The following AFF3 variants were observed in gnomAD, a reference collection of about 807,000 sequenced individuals.
AFF3 encodes the protein ALF transcription elongation factor 3.
AFF3 carries 32 observed loss-of-function variants against 129.7 expected under a neutral mutation model. That is an observed-to-expected ratio of 0.25 (90% CI 0.19 to 0.33). The LOEUF is 0.33. Ranked by LOEUF, AFF3 falls within the 10% of genes least tolerant of loss-of-function variation. The pLI, the probability that AFF3 is intolerant of heterozygous loss-of-function variation, is 1.00. For missense variants in AFF3, 1,373 were observed against 1,592.0 expected, an observed-to-expected ratio of 0.86 and a Z score of 2.34; for synonymous variants, 644 against 635.4, an observed-to-expected ratio of 1.01 and a Z score of -0.20.
At chr2:99,879,816 T>A (rs1692572936) in intron 7 of AFF3, among the ~76,000 whole-genome samples, 1 of 152,246 alleles carries the variant, frequency 6.6e-6, no homozygotes. Flanking sequence ...CCTTTTTGAT[T>A]ACTATTAATG....
chr2:100,058,164 C>G (rs1686957779), intron 4 of AFF3, among the ~76,000 whole-genome samples: 2 of 152,102 alleles, frequency 1.3e-5, no homozygotes, highest in Admixed American at 6.5e-5. Context: ...AATGGCATAC[C>G]AGGCATTTTA....
At chr2:100,115,261 A>G (rs1333970073) in intron 2 of AFF3, among the ~76,000 whole-genome samples, 15 of 152,160 alleles carry the variant, frequency 9.9e-5, no homozygotes, top group Admixed American at 9.2e-4. Flanking sequence ...AAATATGTGT[A>G]TACCAGCCAG....
At chr2:99,792,738 T>A (rs909095557) in intron 8 of AFF3, among the ~76,000 whole-genome samples, 1 of 152,232 alleles carries the variant, frequency 6.6e-6, no homozygotes, top group Non-Finnish European at 1.5e-5. Context: ...TATAATTTTA[T>A]CCTTTATTCT....
intron 7 of AFF3, among the ~76,000 whole-genome samples, chr2:99,880,845 G>A (rs1470254884): frequency 1.3e-5 from 2 of 152,140 alleles, no homozygotes; most frequent in Non-Finnish European, 2.9e-5. Flanking sequence ...AGCAGTTGGA[G>A]GAGGCAAAGG....
At chr2:99,674,061 G>T (rs1041612356) in intron 11 of AFF3, among the ~76,000 whole-genome samples, 1 of 152,238 alleles carries the variant, frequency 6.6e-6, no homozygotes, top group Non-Finnish European at 1.5e-5. Context: ...CTTCTAAGTA[G>T]TTTTTAGGGT....
intron 7 of AFF3, among the ~76,000 whole-genome samples, chr2:99,867,003 A>AATAATAATAAAT (rs1558928973): frequency 3.0e-5 from 3 of 99,150 alleles, no homozygotes; most frequent in African/African-American, 1.1e-4. Flanking sequence ...ATAATAATAA[A>AATAATAATAAAT]AAATAAATAA....
intron 8 of AFF3, among the ~76,000 whole-genome samples, chr2:99,789,741 G>C (rs1400111104): frequency 1.3e-5 from 2 of 152,210 alleles, no homozygotes; most frequent in Non-Finnish European, 2.9e-5. Flanking sequence ...CGAGGATTCG[G>C]AGGCTGCTTC....
Position 100,041,226 on chromosome 2 carries a change from C to T in AFF3, c.54-32294G>A, listed in dbSNP as rs536891960. On this transcript the variant is annotated intron_variant, in intron 4 of 24. Transcript: ENST00000672756. ...CATGGCTTCAACCATAGCTGGACTT[C>T]AGGGAGCACAGTGTTTTCAACATAT... is the stretch of plus-strand genomic sequence containing the variant. Among the ~76,000 whole-genome samples the T allele has an allele frequency of 2.1e-3, 327 of 152,348 alleles. 4 individuals are homozygous for T. Among genetic ancestry groups the T allele is most frequent in the African/African-American group, 7.5e-3 (310 of 41,582 alleles).
rs561366715 is a variant in AFF3, at chr2:99,856,128, C to G, written c.874-18604G>C. Among the ~76,000 whole-genome samples the G allele has an allele frequency of 7.9e-5, 12 of 152,154 alleles. No individual in the cohort carries two copies. In the South Asian group the frequency reaches 2.5e-3, roughly 32 times the overall value. ...ATATGACAACGAAATGTGTGGTATTCTAGATGAAATTCAAGAGTAAGAAAG... is the reference window on the plus strand; with the variant it reads ...ATATGACAACGAAATGTGTGGTATTGTAGATGAAATTCAAGAGTAAGAAAG... On this transcript the variant is annotated intron_variant, in intron 7 of 24. Transcript: ENST00000672756.
chr2:99,858,581 G>A (rs546354950), intron 7 of AFF3, among the ~76,000 whole-genome samples: 11 of 152,196 alleles, frequency 7.2e-5, no homozygotes, highest in South Asian at 6.2e-4. Flanking sequence ...AAAAAAGAAC[G>A]AGATCATGTT....
intron 7 of AFF3, among the ~76,000 whole-genome samples, chr2:99,844,232 A>T (rs879537022): frequency 2.6e-5 from 4 of 152,016 alleles, no homozygotes; most frequent in Non-Finnish European, 5.9e-5. Context: ...TTTTAAAAAA[A>T]TTATTGAGGC....
chr2:99,609,926 G>T (rs2105189677), intron 13 of AFF3, among the ~76,000 whole-genome samples: 1 of 152,254 alleles, frequency 6.6e-6, no homozygotes, highest in South Asian at 2.1e-4. Flanking sequence ...AAGTGAAACA[G>T]CCAGCTCCTG....
intron 8 of AFF3, among the ~76,000 whole-genome samples, chr2:99,809,263 G>A (rs576614603): frequency 9.3e-4 from 142 of 152,348 alleles, no homozygotes; most frequent in African/African-American, 3.2e-3. Flanking sequence ...ACAGCAGAGC[G>A]CTTTAGCTGA....
intron 13 of AFF3, among the ~76,000 whole-genome samples, chr2:99,627,868 T>C (rs1211098294): frequency 6.6e-6 from 1 of 152,044 alleles, no homozygotes; most frequent in Admixed American, 6.5e-5. Flanking sequence ...GATCAGATGG[T>C]TATAGGTGTA....
chr2:99,990,328 A>G (rs1324711668), intron 7 of AFF3, among the ~76,000 whole-genome samples: 1 of 152,192 alleles, frequency 6.6e-6, no homozygotes, highest in Non-Finnish European at 1.5e-5. Context: ...GAGGAATAAA[A>G]CCAAAAACCC....
At chr2:99,821,327 A>G (rs1216680167) in intron 8 of AFF3, among the ~76,000 whole-genome samples, 2 of 152,326 alleles carry the variant, frequency 1.3e-5, no homozygotes, top group Non-Finnish European at 2.9e-5. Flanking sequence ...AAGCAGAAGG[A>G]ATATGCTCTA....
intron 8 of AFF3, among the ~76,000 whole-genome samples, chr2:99,809,345 C>CG: frequency 6.6e-6 from 1 of 152,310 alleles, no homozygotes; most frequent in South Asian, 2.1e-4. Context: ...GCCCTCAACG[C>CG]GGGGGGCTGG....
intron 4 of AFF3, among the ~76,000 whole-genome samples, chr2:100,092,755 C>T (rs1559119617): frequency 6.6e-6 from 1 of 151,964 alleles, no homozygotes; most frequent in Non-Finnish European, 1.5e-5. Flanking sequence ...GCCTGGCTAA[C>T]TCTTATCCTT....
chr2:99,768,940 C>T (rs1683241535), intron 8 of AFF3, among the ~76,000 whole-genome samples: 1 of 152,140 alleles, frequency 6.6e-6, no homozygotes, highest in African/African-American at 2.4e-5. Context: ...TATCCTTGAC[C>T]TTTGGGAGTT....
Sources: gnomAD v4.1 joint callset for allele counts (sites outside exome capture counted in the v4.1 genomes callset) on GRCh38, gnomAD v4.1.1 for gene constraint, MANE v1.5 for transcripts, NCBI Gene and HGNC (gene_info 2026-07-23, HGNC 2026-07-21) for gene names.